The following AKAP13 variants were observed in gnomAD, a reference collection of about 807,000 sequenced individuals.
The protein encoded by AKAP13 is A-kinase anchor protein 13.
A neutral mutation model predicts 264.5 loss-of-function variants in AKAP13; 80 were observed. The observed-to-expected ratio is 0.30, with a 90% CI of 0.25 to 0.36. The LOEUF is 0.36. Among genes scored for constraint, AKAP13 ranks in the 10% least tolerant of loss-of-function variants. The pLI is 1.00. For missense variants in AKAP13, 3,712 were observed against 3,435.2 expected, an observed-to-expected ratio of 1.08 and a Z score of -2.01; for synonymous variants, 1,380 against 1,250.2, an observed-to-expected ratio of 1.10 and a Z score of -2.19.
At chr15:85,652,071 C>G (rs868469657) in intron 10 of AKAP13, among the ~76,000 whole-genome samples, 67 of 152,222 alleles carry the variant, frequency 4.4e-4, no homozygotes, top group African/African-American at 3.9e-4. Context: ...TTTATTCTTA[C>G]CAGATATGCA....
chr15:85,741,489 G>C lies in AKAP13; in HGVS notation c.8052G>C (p.Leu2684=). 5 of 1,585,278 alleles carry C rather than the reference G, an allele frequency of 3.2e-6. No homozygotes were observed. Among genetic ancestry groups the C allele is most frequent in the Non-Finnish European group, 4.3e-6 (5 of 1,161,698 alleles). ...GCCAGCGGCAGACAGAACGGGACCTGTGTCAGGTAATGGGACTCCCTGCCG... is the reference window on the plus strand; with the variant it reads ...GCCAGCGGCAGACAGAACGGGACCTCTGTCAGGTAATGGGACTCCCTGCCG... ...RLSQRQTERD[L]CQVSHPHTKL... is the part of the protein sequence containing the mutation. The change falls in exon 35 of 37, where the codon CTG becomes CTC. Residue 2684 remains leucine (L), a synonymous_variant. Transcript: ENST00000394518.
intron 1 of AKAP13, among the ~76,000 whole-genome samples, chr15:85,426,745 CCTAT>C (rs1352416045): frequency 1.3e-5 from 2 of 152,038 alleles, no homozygotes; most frequent in African/African-American, 2.4e-5. Flanking sequence ...TAGCCACTAC[CCTAT>C]CTCTCTGTCT....
chr15:85,590,141 TTCATTGAA>T (rs540357977), intron 8 of AKAP13, among the ~76,000 whole-genome samples: 44 of 152,360 alleles, frequency 2.9e-4, no homozygotes, highest in Non-Finnish European at 4.9e-4. Flanking sequence ...CAGTCATTGC[TTCATTGAA>T]TCATTGAATC....
chr15:85,655,713 T>C lies in AKAP13; in HGVS notation c.4671T>C (p.Ser1557=). 1.2e-6 allele frequency: 2 copies of C among 1,614,084 alleles called. No homozygotes were observed. Among genetic ancestry groups the C allele is most frequent in the Non-Finnish European group, 8.5e-7 (1 of 1,179,918 alleles). ...NCSVLRSSMR[S]LSPFRRHSWG... is the part of the protein sequence containing the mutation. The stretch of plus-strand genomic sequence containing the variant: ...CTGTCCTAAGGAGCTCCATGCGCTC[T>C]CTTTCTCCCTTCCGGAGGCACAGCT... Residue 1557 remains serine, a synonymous_variant, in exon 11 of 37, where the codon TCT becomes TCC. Transcript: ENST00000394518.
At chr15:85,720,396 T>C (rs2087211011) in intron 23 of AKAP13, among the ~76,000 whole-genome samples, 1 of 152,186 alleles carries the variant, frequency 6.6e-6, no homozygotes, top group South Asian at 2.1e-4. Context: ...TGTAAAATGC[T>C]TAATAAAATA....
At chr15:85,630,234 A>AACAC (rs71141472) in intron 8 of AKAP13, among the ~76,000 whole-genome samples, 5,818 of 119,108 alleles carry the variant, frequency 0.049, 205 homozygotes, top group East Asian at 0.11. Flanking sequence ...GGAAAATTGT[A>AACAC]ACACACACAC....
At chr15:85,425,011 A>G (rs955005705) in intron 1 of AKAP13, among the ~76,000 whole-genome samples, 2 of 152,194 alleles carry the variant, frequency 1.3e-5, no homozygotes, top group Non-Finnish European at 2.9e-5. Context: ...ATAGTAAAAT[A>G]AAAAACATAA....
chr15:85,622,604 A>T (rs1596759459), intron 8 of AKAP13, among the ~76,000 whole-genome samples: 1 of 152,214 alleles, frequency 6.6e-6, no homozygotes, highest in Admixed American at 6.5e-5. Context: ...CACAGGCAGG[A>T]TAAGAGGATT....
intron 16 of AKAP13, among the ~76,000 whole-genome samples, chr15:85,689,280 C>CT (rs2085127055): frequency 1.3e-5 from 2 of 152,138 alleles, no homozygotes; most frequent in African/African-American, 4.8e-5. Context: ...AGAAGTGCCT[C>CT]CTAGAGTAGT....
chr15:85,747,330 C>G lies in AKAP13; in HGVS notation c.*2653C>G, dbSNP rs192534012. 1 of 152,294 alleles carries G rather than the reference C, an allele frequency of 6.6e-6. No individual in the cohort carries two copies. Among genetic ancestry groups the G allele is most frequent in the Non-Finnish European group, 1.5e-5 (1 of 68,106 alleles). The allele number at this position is 152,294 out of a possible 1,614,324, so 9.4% of individuals were successfully genotyped here. A position where few individuals can be genotyped will look rare whatever the true frequency, so the allele number is the denominator to read the frequency against. On this transcript the variant is annotated 3_prime_UTR_variant, in exon 37 of 37. Transcript: ENST00000394518. ...CCTGTGCTTTTGCTCATGGCCTTGA[C>G]AGTGCTCTAGTTGCTGGATCTAATG... is the stretch of plus-strand genomic sequence containing the variant.
At chr15:85,628,031 G>A (rs560181765) in intron 8 of AKAP13, among the ~76,000 whole-genome samples, 1 of 152,252 alleles carries the variant, frequency 6.6e-6, no homozygotes. Flanking sequence ...TTCTTTTGTG[G>A]ATTTTAGCTA....
chr15:85,554,027 T>A (rs2078054981), intron 5 of AKAP13, among the ~76,000 whole-genome samples: 1 of 152,170 alleles, frequency 6.6e-6, no homozygotes, highest in Non-Finnish European at 1.5e-5. Context: ...GGACCGCTGG[T>A]TTAGATTATG....
At chr15:85,717,895 C>A in intron 21 of AKAP13, 112 bp from the exon 22 acceptor site, 2 of 1,005,306 alleles carry the variant, frequency 2.0e-6, no homozygotes, top group Non-Finnish European at 2.9e-6. Flanking sequence ...TGTGAATATC[C>A]CCTGTATTCA....
intron 2 of AKAP13, among the ~76,000 whole-genome samples, chr15:85,496,318 A>G (rs1360981167): frequency 6.6e-6 from 1 of 151,954 alleles, no homozygotes; most frequent in Non-Finnish European, 1.5e-5. Context: ...GTTCCTGTTT[A>G]CTCCAGACTT....
Position 85,715,943 on chromosome 15 carries a change from G to A in AKAP13, c.5735+20G>A, listed in dbSNP as rs762803334. ...TACTGGGTAAGTGGAGATATTTAAA[G>A]ATAGCACAGTTGGCATCTAGGTGAC... On this transcript the variant is annotated intron_variant, in intron 20 of 36. Coordinates refer to ENST00000394518, the MANE Select transcript of AKAP13 (RefSeq NM_007200.5). 2 of 1,603,094 alleles carry A rather than the reference G, an allele frequency of 1.2e-6. No homozygotes were observed. The highest frequency in any genetic ancestry group is 2.7e-5 in the African/African-American group (2 of 73,864).
chr15:85,606,892 G>A (rs977884487), intron 8 of AKAP13, among the ~76,000 whole-genome samples: 1 of 152,140 alleles, frequency 6.6e-6, no homozygotes, highest in Admixed American at 6.6e-5. Flanking sequence ...AGAGCTAGAT[G>A]CTCTTTACCC....
rs376932632 is a variant in AKAP13, at chr15:85,723,272, G to T, written c.6697G>T (p.Val2233Leu). 5 of 1,614,146 alleles carry T rather than the reference G, an allele frequency of 3.1e-6. No homozygotes were observed. The highest frequency in any genetic ancestry group is 4.2e-6 in the Non-Finnish European group (5 of 1,179,992). Residue 2233 changes from valine (V) to leucine (L), a missense_variant, in exon 26 of 37, where the codon GTA becomes TTA. Around this residue, in one of 3 missense-constraint regions of AKAP13, gnomAD observed 342 missense variants for 484.3 expected, o/e 0.71. Transcript: ENST00000394518. ...AKEDLKRKKL[V>L]RDGSVFLKNA... ...GGAAGATTTGAAACGGAAGAAGCTT[G>T]TACGTGATGGGAGTGTGTTTCTGAA...
rs565305012 is a variant in AKAP13, at chr15:85,568,217, T to G, written c.663-6914T>G. 3.6e-4 allele frequency among the ~76,000 whole-genome samples: 54 copies of G among 151,856 alleles called. 2 individuals carry two copies. The highest frequency in any genetic ancestry group is 1.2e-3 in the African/African-American group (50 of 41,360). ...CAGGGGGCTGAAGTGGGAGGATCACTGGAGCCCCGGAGGTTGAGGCTGCAG... is the reference window on the plus strand; with the variant it reads ...CAGGGGGCTGAAGTGGGAGGATCACGGGAGCCCCGGAGGTTGAGGCTGCAG... On this transcript the variant is annotated intron_variant, in intron 5 of 36. Coordinates refer to ENST00000394518, the MANE Select transcript of AKAP13 (RefSeq NM_007200.5).
At chr15:85,459,250 A>G (rs1252173522) in intron 1 of AKAP13, among the ~76,000 whole-genome samples, 1 of 151,704 alleles carries the variant, frequency 6.6e-6, no homozygotes, top group Admixed American at 6.6e-5. Context: ...CAGTGGTGTG[A>G]TCTTGGCTCA....
Sources: gnomAD v4.1 joint callset for allele counts (sites outside exome capture counted in the v4.1 genomes callset) on GRCh38, gnomAD v4.1.1 for gene constraint, gnomAD v4.1.1 regional missense constraint, MANE v1.5 for transcripts, NCBI Gene and HGNC (gene_info 2026-07-23, HGNC 2026-07-21) for gene names.